The following MYO5B variants were observed in gnomAD, a reference collection of about 807,000 sequenced individuals.
MYO5B encodes the protein myosin VB.
MYO5B carries 143 observed loss-of-function variants against 229.3 expected under a neutral mutation model. That is an observed-to-expected ratio of 0.62 (90% CI 0.54 to 0.72). The LOEUF (loss-of-function observed/expected upper bound fraction) is 0.72. Ranked by LOEUF, MYO5B falls within the 30% of genes least tolerant of loss-of-function variation. MYO5B has a pLI of 0.00. For missense variants in MYO5B, 2,321 were observed against 2,331.0 expected (o/e 1.00, Z 0.09); for synonymous variants, 918 against 885.2 (o/e 1.04, Z -0.66).
chr18:49,997,369 C>CTTTTTTTTTTTTTTTTT (rs34011258), intron 5 of MYO5B, among the ~76,000 whole-genome samples: 1 of 60,348 alleles, frequency 1.7e-5, no homozygotes, highest in African/African-American at 7.1e-5. Flanking sequence ...TCCTTTCTTT[C>CTTTTTTTTTTTTTTTTT]TTTTTTTTTT....
At chr18:49,875,482 G>A (rs1206302100) in intron 26 of MYO5B, among the ~76,000 whole-genome samples, 1 of 152,178 alleles carries the variant, frequency 6.6e-6, no homozygotes, top group Non-Finnish European at 1.5e-5. Flanking sequence ...CCCGGGGCAT[G>A]AGGGAGCTTA....
chr18:50,115,553 C>G (rs879660469), intron 1 of MYO5B, among the ~76,000 whole-genome samples: 3,201 of 65,702 alleles, frequency 0.049, 51 homozygotes, highest in Non-Finnish European at 0.06. Flanking sequence ...GAGAGACACA[C>G]ACACACACAC....
chr18:50,099,742 C>G (rs147898526), intron 1 of MYO5B, among the ~76,000 whole-genome samples: 50 of 152,304 alleles, frequency 3.3e-4, no homozygotes, highest in African/African-American at 1.2e-3. Context: ...CATGAATTTG[C>G]AGAATAGTTA....
intron 18 of MYO5B, among the ~76,000 whole-genome samples, chr18:49,909,323 C>T (rs936739837): frequency 1.3e-5 from 2 of 152,226 alleles, no homozygotes; most frequent in African/African-American, 2.4e-5. Context: ...AGGATAACTG[C>T]ACTCAGTGAC....
At chr18:49,971,189 C>A (rs1360631728) in intron 10 of MYO5B, among the ~76,000 whole-genome samples, 1 of 152,140 alleles carries the variant, frequency 6.6e-6, no homozygotes, top group Non-Finnish European at 1.5e-5. Flanking sequence ...AGAATCACTT[C>A]CCATAGTCAT....
chr18:49,858,103 C>G (rs1041162955), intron 29 of MYO5B, among the ~76,000 whole-genome samples: 4 of 152,224 alleles, frequency 2.6e-5, no homozygotes, highest in African/African-American at 9.6e-5. Flanking sequence ...GGGACTTCCT[C>G]CTCAGCCAGG....
chr18:49,867,196 GA>G (rs1285313720), intron 27 of MYO5B, among the ~76,000 whole-genome samples: 1 of 152,200 alleles, frequency 6.6e-6, no homozygotes, highest in Non-Finnish European at 1.5e-5. Context: ...CCATGGCAGG[GA>G]GCAGAGGGAG....
chr18:49,925,787 A>C (rs2144187921), intron 17 of MYO5B, among the ~76,000 whole-genome samples: 1 of 152,280 alleles, frequency 6.6e-6, no homozygotes, highest in Middle Eastern at 3.4e-3. Context: ...AATTGGATGA[A>C]GATATGTCTG....
intron 2 of MYO5B, among the ~76,000 whole-genome samples, chr18:50,047,183 C>T (rs1474723076): frequency 6.6e-6 from 1 of 152,120 alleles, no homozygotes; most frequent in Non-Finnish European, 1.5e-5. Context: ...TTTTTGCAAC[C>T]TACTCATCTG....
chr18:50,190,251 C>T (rs1438255731), intron 1 of MYO5B, among the ~76,000 whole-genome samples: 1 of 152,194 alleles, frequency 6.6e-6, no homozygotes. Flanking sequence ...TAAAATCAGA[C>T]TACTATCTGC....
intron 17 of MYO5B, among the ~76,000 whole-genome samples, chr18:49,914,056 G>A (rs2024986286): frequency 6.6e-6 from 1 of 152,254 alleles, no homozygotes; most frequent in Admixed American, 6.5e-5. Flanking sequence ...TCAGGTCCAT[G>A]TGTGACCTGA....
intron 27 of MYO5B, among the ~76,000 whole-genome samples, chr18:49,867,989 G>A (rs616331): frequency 0.73 from 110,293 of 151,878 alleles, 40,252 homozygotes; most frequent in Admixed American, 0.83. Context: ...ATATTCATCA[G>A]TTAGAGAATG....
intron 1 of MYO5B, among the ~76,000 whole-genome samples, chr18:50,110,120 G>C (rs572290983): frequency 1.3e-5 from 2 of 152,190 alleles, no homozygotes; most frequent in South Asian, 4.2e-4. Flanking sequence ...TGCTTTCCCT[G>C]TCTGGAATGT....
chr18:49,927,138 C>G (rs532831146), intron 17 of MYO5B, among the ~76,000 whole-genome samples: 1 of 152,256 alleles, frequency 6.6e-6, no homozygotes, highest in Non-Finnish European at 1.5e-5. Context: ...AAACTGTACA[C>G]TTAGAAGTGG....
chr18:50,115,252 G>C (rs1288295887), intron 1 of MYO5B, among the ~76,000 whole-genome samples: 1 of 152,206 alleles, frequency 6.6e-6, no homozygotes, highest in East Asian at 1.9e-4. Context: ...GCATGTCTTA[G>C]CTCTTCAAAC....
intron 1 of MYO5B, among the ~76,000 whole-genome samples, chr18:50,110,448 A>C (rs187326990): frequency 6.6e-6 from 1 of 152,168 alleles, no homozygotes; most frequent in Admixed American, 6.5e-5. Flanking sequence ...CTCATTTTAT[A>C]CAAGAAGAAA....
At chr18:49,855,558 C>G (rs541146618) in intron 30 of MYO5B, among the ~76,000 whole-genome samples, 1 of 152,154 alleles carries the variant, frequency 6.6e-6, no homozygotes, top group East Asian at 1.9e-4. Flanking sequence ...GAATAATAAC[C>G]ATGATAGTAA....
intron 1 of MYO5B, among the ~76,000 whole-genome samples, chr18:50,106,639 G>T (rs2031765909): frequency 6.6e-6 from 1 of 152,284 alleles, no homozygotes. Flanking sequence ...AGGTTTCACA[G>T]CCTGGATGTC....
At chr18:50,061,460 G>T (rs2030684169) in intron 1 of MYO5B, among the ~76,000 whole-genome samples, 1 of 152,172 alleles carries the variant, frequency 6.6e-6, no homozygotes, top group South Asian at 2.1e-4. Flanking sequence ...ACCTAAGGTG[G>T]TCCATGTTAC....
Sources: allele counts gnomAD v4.1 joint callset (sites outside exome capture counted in the v4.1 genomes callset), GRCh38; gene constraint gnomAD v4.1.1; transcripts MANE v1.5; gene names NCBI Gene and HGNC (gene_info 2026-07-23, HGNC 2026-07-21).